The following ATR variants were observed in gnomAD, a reference collection of about 807,000 sequenced individuals.
ATR encodes the protein serine/threonine-protein kinase ATR.
A neutral mutation model predicts 305.3 loss-of-function variants in ATR; 142 were observed. That is an observed-to-expected ratio of 0.47 (90% CI 0.41 to 0.53). The LOEUF (loss-of-function observed/expected upper bound fraction) is 0.53. ATR is among the 20% of genes least tolerant of loss of function. The probability of loss-of-function intolerance (pLI) is 0.00; values close to 1 mark genes in which losing one functional copy is unlikely to be tolerated. For missense variants in ATR, 2,135 were observed against 3,133.1 expected (o/e 0.68, Z 7.60); for synonymous variants, 1,050 against 1,068.1 (o/e 0.98, Z 0.33).
chr3:142,570,558 G>A (rs2035227593), intron 1 of ATR, among the ~76,000 whole-genome samples: 1 of 151,976 alleles, frequency 6.6e-6, no homozygotes, highest in African/African-American at 2.4e-5. Flanking sequence ...GGCTAATTTT[G>A]TATATTTTTA....
chr3:142,478,625 A>G (rs974183636), intron 36 of ATR, among the ~76,000 whole-genome samples: 2 of 152,108 alleles, frequency 1.3e-5, no homozygotes, highest in African/African-American at 4.8e-5. Flanking sequence ...GCAGAGCTGA[A>G]TTCAATTCCT....
intron 37 of ATR, 78 bp downstream of exon 37, chr3:142,470,008 A>T: frequency 8.9e-7 from 1 of 1,129,470 alleles, no homozygotes; most frequent in Non-Finnish European, 1.3e-6. Flanking sequence ...CTAGGAAATT[A>T]GACTGTCCAG....
intron 44 of ATR, among the ~76,000 whole-genome samples, chr3:142,458,139 T>G (rs776091067): frequency 4.6e-5 from 7 of 152,234 alleles, no homozygotes; most frequent in African/African-American, 1.7e-4. Flanking sequence ...TTTAACACTT[T>G]CATCTTAAAA....
chr3:142,522,604 G>A (rs745677974), intron 23 of ATR, 124 bp downstream of exon 23: 3 of 852,200 alleles, frequency 3.5e-6, no homozygotes, highest in Non-Finnish European at 1.9e-6. Flanking sequence ...TGTTTATCAT[G>A]AACTTGTATA....
At chr3:142,572,567 G>C (rs1285102243) in intron 1 of ATR, among the ~76,000 whole-genome samples, 1 of 151,778 alleles carries the variant, frequency 6.6e-6, no homozygotes, top group African/African-American at 2.4e-5. Flanking sequence ...GAGCTCAGGA[G>C]TTTGAGACCA....
Position 142,542,542 on chromosome 3 carries a change from C to A in ATR, c.3450+123G>T, listed in dbSNP as rs1156672387. 3 of 933,294 alleles carry A rather than the reference C, an allele frequency of 3.2e-6. No homozygotes were observed. In the Admixed American group the frequency reaches 6.5e-5, roughly 20 times the overall value. 57.8% of individuals were successfully genotyped at this position (933,294 alleles called of 1,614,324 possible). ...GACTCCCAAAAAACGTATATGAGTT[C>A]TTCAGCAATAGAGAATGTCATATTT... is the stretch of plus-strand genomic sequence containing the variant. On this transcript the variant is annotated intron_variant, in intron 17 of 46. Coordinates refer to ENST00000350721, the MANE Select transcript of ATR (RefSeq NM_001184.4).
chr3:142,548,357 T>G (rs1055884877), intron 15 of ATR, among the ~76,000 whole-genome samples: 1 of 152,100 alleles, frequency 6.6e-6, no homozygotes, highest in African/African-American at 2.4e-5. Flanking sequence ...GTTCCTTATC[T>G]ATGAAACAAA....
chr3:142,489,164 C>G (rs1441587554), intron 35 of ATR, among the ~76,000 whole-genome samples: 1 of 151,946 alleles, frequency 6.6e-6, no homozygotes, highest in Non-Finnish European at 1.5e-5. Flanking sequence ...CAGCAAGACC[C>G]TATCTCCACA....
chr3:142,474,334 C>T (rs1246974814), intron 36 of ATR, among the ~76,000 whole-genome samples: 1 of 152,092 alleles, frequency 6.6e-6, no homozygotes, highest in Non-Finnish European at 1.5e-5. Flanking sequence ...GCACTATGAA[C>T]ATTTTAATAA....
At chr3:142,452,792 G>A (rs991569189) in intron 46 of ATR, 10 of 1,150,388 alleles carry the variant, frequency 8.7e-6, no homozygotes, top group African/African-American at 1.6e-5. Flanking sequence ...GTGACATACT[G>A]GTATCATGAT....
intron 36 of ATR, among the ~76,000 whole-genome samples, chr3:142,484,529 G>A (rs779775995): frequency 6.6e-5 from 10 of 152,126 alleles, no homozygotes; most frequent in Non-Finnish European, 8.8e-5. Context: ...CTCTTCATCA[G>A]ACTGTTTATT....
rs564311764 is a variant in ATR at position 142,533,595 on chromosome 3, G to C, written c.3945+1485C>G. On this transcript the variant is annotated intron_variant, in intron 21 of 46. Coordinates refer to ENST00000350721, the MANE Select transcript of ATR (RefSeq NM_001184.4). ...CCAGTGCCTGCTGGAGTATGGTTAG[G>C]AAGACGTGTTTCTGGATCTTTATTC... 3.6e-4 allele frequency among the ~76,000 whole-genome samples: 54 copies of C among 152,018 alleles called. No individual in the cohort carries two copies. In the South Asian group the frequency reaches 0.011, roughly 31 times the overall value.
At chr3:142,487,054 C>A (rs552872949) in intron 35 of ATR, among the ~76,000 whole-genome samples, 1 of 151,762 alleles carries the variant, frequency 6.6e-6, no homozygotes, top group African/African-American at 2.4e-5. Flanking sequence ...CTGGCCTGAA[C>A]CTGGGAGGCG....
rs960102860 is a variant in ATR, at chr3:142,496,645, G to A, written c.5739-125C>T. 5.1e-6 allele frequency: 5 copies of A among 987,402 alleles called. No homozygotes were observed. In the African/African-American group the frequency reaches 8.0e-5, roughly 16 times the overall value. The allele number at this position is 987,402 out of a possible 1,614,324, so 61.2% of individuals were successfully genotyped here. The stretch of plus-strand genomic sequence containing the variant: ...TAGTTCCAATGTTTTGAAAGCCTCT[G>A]TTCCCAATACAGAACCTTCTTCATA... On this transcript the variant is annotated intron_variant, in intron 33 of 46. Coordinates refer to ENST00000350721, the MANE Select transcript of ATR (RefSeq NM_001184.4).
Position 142,496,356 on chromosome 3 carries a change from A to C in ATR, c.5898+5T>G. The stretch of plus-strand genomic sequence containing the variant: ...TATATATGATGACATTTCCCTGGCC[A>C]TTACCTTGGACCAGAGCCACTTTGC... On this transcript the variant is annotated splice_donor_5th_base_variant and intron_variant, in intron 34 of 46. Transcript: ENST00000350721. 1 of 1,487,244 alleles carries C rather than the reference A, an allele frequency of 6.7e-7. No homozygotes were observed. Among genetic ancestry groups the C allele is most frequent in the Non-Finnish European group, 9.0e-7 (1 of 1,108,272 alleles). The allele number at this position is 1,487,244 out of a possible 1,614,324, so 92.1% of individuals were successfully genotyped here.
rs1661026633 is a variant in ATR at position 142,553,872 on chromosome 3, T to C, written c.2485A>G (p.Lys829Glu). The C allele has an allele frequency of 1.2e-6, 2 of 1,613,530 alleles. No homozygotes were observed. Among genetic ancestry groups the C allele is most frequent in the African/African-American group, 2.7e-5 (2 of 74,912 alleles). The stretch of plus-strand genomic sequence containing the variant: ...GAGTCCAAGGATTCCAATATGTGCT[T>C]GATATTTCCACTAAAAGCCACTCTA... ...DVRVAFSGNI[K>E]HILESLDSED... Residue 829 changes from lysine (K) to glutamate (E), a missense_variant, in exon 11 of 47, where the codon AAG becomes GAG. Physicochemically the swap from Lys to Glu is moderately conservative, Grantham distance 56. Transcript: ENST00000350721.
rs1315548882 is a variant in ATR at position 142,480,458 on chromosome 3, A to C, written c.6221+4682T>G. On this transcript the variant is annotated intron_variant, in intron 36 of 46. Transcript: ENST00000350721. ...ATTGTTCCTCTGGAGGTTTCGTCTC[A>C]AAGGGGTACCCGGCCGTGTGAGGTG... is the stretch of plus-strand genomic sequence containing the variant. 2.0e-5 allele frequency among the ~76,000 whole-genome samples: 3 copies of C among 152,222 alleles called. No homozygotes were observed. The East Asian group carries it at 5.8e-4, about 29-fold the overall frequency.
chr3:142,553,117 G>GAAGAAAA, intron 13 of ATR, 110 bp downstream of exon 13: 1 of 1,354,636 alleles, frequency 7.4e-7, no homozygotes, highest in Non-Finnish European at 1.0e-6. Flanking sequence ...AATATAAATT[G>GAAGAAAA]AAGAAAAAAG....
At position 142,496,391 on chromosome 3, in the gene ATR, G is replaced by T; in HGVS notation, c.5868C>A (p.Tyr1956Ter). 2.6e-6 allele frequency: 4 copies of T among 1,549,278 alleles called. No individual in the cohort carries two copies. Among genetic ancestry groups the T allele is most frequent in the Non-Finnish European group, 3.5e-6 (4 of 1,141,362 alleles). Residue 1956 changes from tyrosine (Y) to a stop codon, truncating the protein, a stop_gained, in exon 34 of 47, where the codon TAC becomes TAA. Coordinates refer to ENST00000350721, the MANE Select transcript of ATR (RefSeq NM_001184.4). LOFTEE classifies it high-confidence loss of function. ...NAGESRLAELYVERAKWLWSK... is the reference protein window; with the variant it reads ...NAGESRLAEL ...ACCAGAGCCACTTTGCCCTTTCCAC[G>T]TACAGTTCAGCGAGTCGTGATTCCC... is the stretch of plus-strand genomic sequence containing the variant.
Sources: allele counts gnomAD v4.1 joint callset (sites outside exome capture counted in the v4.1 genomes callset), GRCh38; gene constraint gnomAD v4.1.1; transcripts MANE v1.5; gene names NCBI Gene and HGNC (gene_info 2026-07-23, HGNC 2026-07-21).